The following ANK2 variants were observed in gnomAD, a reference collection of about 807,000 sequenced individuals.
ANK2 encodes ankyrin-2.
ANK2 carries 83 observed loss-of-function variants against 360.5 expected under a neutral mutation model. The ratio of observed to expected loss-of-function variants is 0.23; its 90% CI spans 0.19 to 0.28. The LOEUF (loss-of-function observed/expected upper bound fraction) is 0.28, where lower values mean the gene tolerates loss of function less well. Among genes scored for constraint, ANK2 ranks in the 10% least tolerant of loss-of-function variants. The pLI is 1.00. For missense variants in ANK2, 4,201 were observed against 4,795.7 expected, an observed-to-expected ratio of 0.88 and a Z score of 3.66; for synonymous variants, 1,740 against 1,759.5, an observed-to-expected ratio of 0.99 and a Z score of 0.28.
chr4:112,856,432 A>T (rs1274257697), intron 1 of ANK2, among the ~76,000 whole-genome samples: 1 of 152,212 alleles, frequency 6.6e-6, no homozygotes, highest in Non-Finnish European at 1.5e-5. Context: ...ATAATTTTTT[A>T]AAAGTGTATT....
intron 4 of ANK2, among the ~76,000 whole-genome samples, chr4:113,227,778 G>A (rs765906749): frequency 2.0e-5 from 3 of 152,170 alleles, no homozygotes; most frequent in Admixed American, 6.5e-5. Context: ...AGCCTCAGCT[G>A]CCTCAGTTTG....
chr4:112,903,190 C>T (rs2084023285), intron 1 of ANK2, among the ~76,000 whole-genome samples: 1 of 152,132 alleles, frequency 6.6e-6, no homozygotes, highest in Non-Finnish European at 1.5e-5. Context: ...TGGAGGGGAG[C>T]CCAATAATTT....
intron 2 of ANK2, among the ~76,000 whole-genome samples, chr4:112,926,426 A>G (rs1360306201): frequency 2.6e-5 from 4 of 152,224 alleles, no homozygotes; most frequent in Non-Finnish European, 5.9e-5. Context: ...AGGTTCTACC[A>G]TGCCAGGAAT....
intron 2 of ANK2, among the ~76,000 whole-genome samples, chr4:112,918,735 A>AT (rs1211011692): frequency 6.6e-6 from 1 of 152,140 alleles, no homozygotes; most frequent in Non-Finnish European, 1.5e-5. Context: ...ATTGCAAATG[A>AT]TTTTTTGTAT....
intron 1 of ANK2, among the ~76,000 whole-genome samples, chr4:112,881,524 G>C (rs1249722780): frequency 1.3e-5 from 2 of 152,030 alleles, no homozygotes; most frequent in East Asian, 3.9e-4. Flanking sequence ...TAGAAGCTTT[G>C]ATCCTTGATT....
chr4:113,221,320 G>A (rs773225809), intron 4 of ANK2, among the ~76,000 whole-genome samples: 7 of 151,536 alleles, frequency 4.6e-5, no homozygotes, highest in Non-Finnish European at 7.4e-5. Flanking sequence ...GAGTAAAATG[G>A]GGCAAGGATA....
At chr4:113,049,616 T>G, upstream of ANK2, 6 of 1,423,606 alleles carry the variant, frequency 4.2e-6, no homozygotes, top group Non-Finnish European at 5.6e-6. Context: ...TGCGCGCCCC[T>G]TCCCCACCCC....
At chr4:113,282,649 A>G (rs781125953) in intron 17 of ANK2, 26 bp from the exon 18 acceptor site, 3 of 1,559,034 alleles carry the variant, frequency 1.9e-6, no homozygotes, top group African/African-American at 1.4e-5. Flanking sequence ...CTCTATATGC[A>G]TGTGTTTTAT....
chr4:112,974,595 G>A (rs1037375459), intron 2 of ANK2, among the ~76,000 whole-genome samples: 4 of 152,184 alleles, frequency 2.6e-5, no homozygotes, highest in African/African-American at 4.8e-5. Context: ...AATAGCAGTA[G>A]CATTCAGAAT....
chr4:112,761,444 C>T, the ANK2 span, among the ~76,000 whole-genome samples: 11 of 152,022 alleles, frequency 7.2e-5, no homozygotes, highest in Non-Finnish European at 1.3e-4. Flanking sequence ...CACGGTGAAA[C>T]CCCGTCTCTA....
intron 1 of ANK2, among the ~76,000 whole-genome samples, chr4:113,147,992 G>A (rs2096899284): frequency 6.6e-6 from 1 of 152,154 alleles, no homozygotes. Context: ...CAGATGACTG[G>A]TGGGTGTATT....
the ANK2 span, among the ~76,000 whole-genome samples, chr4:112,763,968 G>T: frequency 6.6e-6 from 1 of 152,170 alleles, no homozygotes; most frequent in Admixed American, 6.5e-5. Context: ...TTTTGAGAGG[G>T]AGTCTGGCTC....
Position 113,232,275 on chromosome 4 carries a change from C to T in ANK2, c.483+16C>T, listed in dbSNP as rs1280520451. ...TGCTACAGAGGTAAGACTGTCAGCC[C>T]TAAAGCCTTGAATTCTTTGATCTTA... On this transcript the variant is annotated intron_variant, in intron 5 of 45. Coordinates refer to ENST00000357077, the MANE Select transcript of ANK2 (RefSeq NM_001148.6). 5.2e-6 allele frequency: 8 copies of T among 1,530,684 alleles called. No individual in the cohort carries two copies. In the Admixed American group the frequency reaches 8.4e-5, roughly 16 times the overall value. 94.8% of individuals were successfully genotyped at this position (1,530,684 alleles called of 1,614,324 possible).
At chr4:113,081,185 T>C (rs1011873628) in intron 1 of ANK2, among the ~76,000 whole-genome samples, 1 of 152,186 alleles carries the variant, frequency 6.6e-6, no homozygotes, top group South Asian at 2.1e-4. Flanking sequence ...TTTAATTAGT[T>C]CTGTTAATAA....
At chr4:113,232,119 T>A (rs751928295) in intron 4 of ANK2, 42 bp from the exon 5 acceptor site, 1 of 1,400,812 alleles carries the variant, frequency 7.1e-7, no homozygotes, top group African/African-American at 1.4e-5. Flanking sequence ...TTCTCTCTTA[T>A]ACAAATGATT....
At chr4:113,002,537 G>A (rs935689879) in intron 2 of ANK2, among the ~76,000 whole-genome samples, 4 of 152,064 alleles carry the variant, frequency 2.6e-5, no homozygotes, top group Non-Finnish European at 5.9e-5. Flanking sequence ...ACAGGAAGGG[G>A]GACATCACAC....
intron 1 of ANK2, among the ~76,000 whole-genome samples, chr4:113,126,478 G>A (rs1157675673): frequency 6.6e-6 from 1 of 152,100 alleles, no homozygotes; most frequent in African/African-American, 2.4e-5. Context: ...CCAATAAAAT[G>A]TAAGTGGAAC....
chr4:112,886,755 A>G (rs2078515689), intron 1 of ANK2, among the ~76,000 whole-genome samples: 1 of 152,210 alleles, frequency 6.6e-6, no homozygotes, highest in Admixed American at 6.5e-5. Flanking sequence ...TCTACCAATA[A>G]TTTAACTGCC....
chr4:113,281,597 G>A (rs928139517), intron 17 of ANK2, among the ~76,000 whole-genome samples: 1 of 151,992 alleles, frequency 6.6e-6, no homozygotes, highest in Admixed American at 6.6e-5. Flanking sequence ...TGGTCATTAT[G>A]CTCTCTTTCC....
Sources: allele counts gnomAD v4.1 joint callset (sites outside exome capture counted in the v4.1 genomes callset), GRCh38; gene constraint gnomAD v4.1.1; transcripts MANE v1.5; gene names NCBI Gene and HGNC (gene_info 2026-07-23, HGNC 2026-07-21).